The following BTRC variants were observed in gnomAD, a reference collection of about 807,000 sequenced individuals.
BTRC encodes the protein beta-transducin repeat containing E3 ubiquitin protein ligase, also known as F-box/WD repeat-containing protein 1A.
Under a neutral mutation model 85.5 loss-of-function variants are expected in BTRC, and 42 were observed. That is an observed-to-expected ratio of 0.49 (90% CI 0.38 to 0.64). BTRC has a LOEUF of 0.64. Among genes scored for constraint, BTRC ranks in the 30% least tolerant of loss-of-function variants. The probability of loss-of-function intolerance (pLI) is 0.00; values close to 1 mark genes in which losing one functional copy is unlikely to be tolerated. For synonymous variants in BTRC, 255 were observed against 263.3 expected (o/e 0.97, Z 0.30); for missense variants, 594 against 743.5 (o/e 0.80, Z 2.34).
At chr10:101,519,658 G>A (rs1304516522) in intron 4 of BTRC, among the ~76,000 whole-genome samples, 1 of 152,180 alleles carries the variant, frequency 6.6e-6, no homozygotes, top group African/African-American at 2.4e-5. Flanking sequence ...CTACATTACT[G>A]TTTGAATAAC....
chr10:101,392,922 C>G lies in BTRC; in HGVS notation c.49-37423C>G, dbSNP rs368495453. On this transcript the variant is annotated intron_variant, in intron 1 of 14. Transcript: ENST00000370187. ...TAACTCCCATATCCCTTTTTATGGT[C>G]TTTTGTTAATAATGTTGGGTGTGTT... Among the ~76,000 whole-genome samples, 6 of 152,162 alleles carry G rather than the reference C, an allele frequency of 3.9e-5. No individual in the cohort carries two copies. The East Asian group carries it at 5.8e-4, about 15-fold the overall frequency.
rs1942425047 is a variant in BTRC, at chr10:101,366,889, T to TATATATATTTATATATATTA, written c.48+12681_48+12700dup. 1.0e-3 allele frequency among the ~76,000 whole-genome samples: 23 copies of TATATATATTTATATATATTA among 22,650 alleles called. 1 individual carries two copies. The highest frequency in any genetic ancestry group is 2.9e-3 in the African/African-American group (23 of 8,050). The allele number at this position is 22,650 out of a possible 152,430, so 14.9% of individuals were successfully genotyped here. A position where few individuals can be genotyped will look rare whatever the true frequency, so the allele number is the denominator to read the frequency against. Reference sequence around the variant, plus strand: ...ATATTAATATATATTTATATATATTTATATATATTTATATATATTAATATA... The same window carrying TATATATATTTATATATATTA: ...ATATTAATATATATTTATATATATTTATATATATTTATATATATTAATATATATTTATATATATTAATATA... On this transcript the variant is annotated intron_variant, in intron 1 of 14. Transcript: ENST00000370187.
intron 2 of BTRC, among the ~76,000 whole-genome samples, chr10:101,442,288 C>CTCTGTGTATGTG (rs1944705275): frequency 1.0e-5 from 1 of 99,280 alleles, no homozygotes; most frequent in East Asian, 4.5e-4. Context: ...CTCTCTGTCT[C>CTCTGTGTATGTG]TGTGTGTATG....
intron 1 of BTRC, among the ~76,000 whole-genome samples, chr10:101,403,015 A>G (rs565559362): frequency 1.1e-4 from 17 of 152,268 alleles, no homozygotes; most frequent in East Asian, 9.6e-4. Context: ...CTTTTTCTCT[A>G]CTAGATTATA....
intron 1 of BTRC, among the ~76,000 whole-genome samples, chr10:101,413,384 G>T (rs1457395702): frequency 6.6e-6 from 1 of 152,028 alleles, no homozygotes; most frequent in African/African-American, 2.4e-5. Context: ...TGCAATCTCG[G>T]CTCACTGCAG....
At chr10:101,527,872 A>G (rs1226245949) in intron 6 of BTRC, among the ~76,000 whole-genome samples, 2 of 152,178 alleles carry the variant, frequency 1.3e-5, no homozygotes, top group East Asian at 3.8e-4. Flanking sequence ...TTATTTCGCT[A>G]CATAGAAAAA....
intron 4 of BTRC, among the ~76,000 whole-genome samples, chr10:101,482,433 T>C (rs1375741259): frequency 6.8e-6 from 1 of 146,850 alleles, no homozygotes; most frequent in Non-Finnish European, 1.5e-5. Context: ...TCTTGCTCTG[T>C]CACCCAGGTT....
chr10:101,491,144 A>G (rs1946121490), intron 4 of BTRC, among the ~76,000 whole-genome samples: 1 of 152,166 alleles, frequency 6.6e-6, no homozygotes, highest in Non-Finnish European at 1.5e-5. Context: ...TTAACATAGT[A>G]TACAGATCTT....
intron 13 of BTRC, among the ~76,000 whole-genome samples, chr10:101,549,220 G>T (rs1308776404): frequency 6.8e-6 from 1 of 146,100 alleles, no homozygotes; most frequent in East Asian, 2.1e-4. Context: ...GGACTGCTTG[G>T]TCTTGAGTTC....
chr10:101,397,787 G>A (rs1213871380), intron 1 of BTRC, among the ~76,000 whole-genome samples: 1 of 152,020 alleles, frequency 6.6e-6, no homozygotes, highest in Non-Finnish European at 1.5e-5. Flanking sequence ...CTAATACCAT[G>A]GCAATTGGTA....
At chr10:101,376,221 T>C (rs1942787721) in intron 1 of BTRC, among the ~76,000 whole-genome samples, 1 of 152,108 alleles carries the variant, frequency 6.6e-6, no homozygotes, top group African/African-American at 2.4e-5. Flanking sequence ...GCTACTTGGG[T>C]GGCTGAGGCC....
chr10:101,440,954 C>A lies in BTRC; in HGVS notation c.156+10502C>A, dbSNP rs117300042. Among the ~76,000 whole-genome samples, 146 of 152,130 alleles carry A rather than the reference C, an allele frequency of 9.6e-4. 2 individuals are homozygous for A. The East Asian group carries it at 0.026, about 27-fold the overall frequency. On this transcript the variant is annotated intron_variant, in intron 2 of 14. Transcript: ENST00000370187. ...AAATATTGTGCTCAGAAAGTAATACCAAAAGGAGGGATATTAAGAACTAGT... is the reference window on the plus strand; with the variant it reads ...AAATATTGTGCTCAGAAAGTAATACAAAAAGGAGGGATATTAAGAACTAGT...
At chr10:101,466,068 A>C (rs760378081) in intron 3 of BTRC, among the ~76,000 whole-genome samples, 72 of 152,166 alleles carry the variant, frequency 4.7e-4, no homozygotes, top group Non-Finnish European at 8.1e-4. Flanking sequence ...GAAAGTACTC[A>C]TTACTTTTTG....
At chr10:101,385,446 TAGAA>T (rs1943044844) in intron 1 of BTRC, among the ~76,000 whole-genome samples, 2 of 151,240 alleles carry the variant, frequency 1.3e-5, no homozygotes, top group South Asian at 2.1e-4. Context: ...TGAGATGAAT[TAGAA>T]GGAAGAAAAA....
intron 1 of BTRC, among the ~76,000 whole-genome samples, chr10:101,359,036 G>A (rs1942124292): frequency 6.6e-6 from 1 of 152,096 alleles, no homozygotes; most frequent in Non-Finnish European, 1.5e-5. Context: ...TGTTTAGGAG[G>A]CATCTCTTTT....
intron 4 of BTRC, 111 bp downstream of exon 4, chr10:101,479,568 G>A: frequency 1.3e-6 from 1 of 779,974 alleles, no homozygotes; most frequent in African/African-American, 1.8e-5. Context: ...ATATAGTTAA[G>A]AAAAAAATAC....
At chr10:101,369,284 A>G (rs1564732204) in intron 1 of BTRC, among the ~76,000 whole-genome samples, 1 of 150,928 alleles carries the variant, frequency 6.6e-6, no homozygotes, top group Non-Finnish European at 1.5e-5. Flanking sequence ...CACTGGTGTG[A>G]TCATAGCTCA....
chr10:101,399,608 C>T (rs1468711704), intron 1 of BTRC, among the ~76,000 whole-genome samples: 3 of 152,178 alleles, frequency 2.0e-5, no homozygotes, highest in African/African-American at 7.2e-5. Flanking sequence ...TTTCTCCTAA[C>T]AGAAGTTTTT....
At chr10:101,383,063 T>TTC (rs1448024310) in intron 1 of BTRC, among the ~76,000 whole-genome samples, 1 of 65,282 alleles carries the variant, frequency 1.5e-5, no homozygotes, top group East Asian at 2.5e-4. Flanking sequence ...GGAGATTTTT[T>TTC]TTTTTTTTTT....
Sources: gnomAD v4.1 joint callset for allele counts (sites outside exome capture counted in the v4.1 genomes callset) on GRCh38, gnomAD v4.1.1 for gene constraint, MANE v1.5 for transcripts, NCBI Gene and HGNC (gene_info 2026-07-23, HGNC 2026-07-21) for gene names.